The following ZDHHC14 variants were observed in gnomAD, a reference collection of about 807,000 sequenced individuals.
ZDHHC14 encodes palmitoyltransferase ZDHHC14.
Under a neutral mutation model 47.7 loss-of-function variants are expected in ZDHHC14, and 16 were observed. That is an observed-to-expected ratio of 0.34 (90% CI 0.23 to 0.51). The LOEUF is 0.51. Among genes scored for constraint, ZDHHC14 ranks in the 20% least tolerant of loss-of-function variants. The probability of loss-of-function intolerance (pLI) is 0.97; values close to 1 mark genes in which losing one functional copy is unlikely to be tolerated. For missense variants in ZDHHC14, 515 were observed against 662.5 expected, an observed-to-expected ratio of 0.78 and a Z score of 2.44; for synonymous variants, 293 against 278.9, an observed-to-expected ratio of 1.05 and a Z score of -0.50.
At position 157,586,750 on chromosome 6, in the gene ZDHHC14, A is replaced by G. The variant is rs1267431347; in HGVS notation, c.407-6238A>G. Among the ~76,000 whole-genome samples, 1 of 152,184 alleles carries G rather than the reference A, an allele frequency of 6.6e-6. No individual in the cohort carries two copies. The highest frequency in any genetic ancestry group is 1.5e-5 in the Non-Finnish European group (1 of 68,028). On this transcript the variant is annotated intron_variant, in intron 2 of 8. Transcript: ENST00000359775. The surrounding 1 kb of genome is among the most constrained non-coding windows in gnomAD (Gnocchi z 4.6). ...AATATTGGTTGACTTTTTTCATGGC[A>G]TCGCTGGGCCCTGAATCCAGGTCTT...
chr6:157,395,808 AAT>A (rs1423222897), intron 1 of ZDHHC14, among the ~76,000 whole-genome samples: 1 of 152,010 alleles, frequency 6.6e-6, no homozygotes, highest in African/African-American at 2.4e-5. Flanking sequence ...AAAAAAAAAA[AAT>A]CCCAAGTTTC....
intron 8 of ZDHHC14, among the ~76,000 whole-genome samples, chr6:157,670,217 G>T (rs757643538): frequency 1.3e-5 from 2 of 152,190 alleles, no homozygotes; most frequent in African/African-American, 2.4e-5. Context: ...GAGAAGCACC[G>T]CCGTGGCACA....
chr6:157,583,557 G>A lies in ZDHHC14; in HGVS notation c.407-9431G>A, dbSNP rs1361092275. On this transcript the variant is annotated intron_variant, in intron 2 of 8. Transcript: ENST00000359775. ...GCTTTTTTTGTTTTGTTTGTTTTTG[G>A]TGTTGAAGTTTTGGGCTTTGATACA... Among the ~76,000 whole-genome samples, 6 of 151,938 alleles carry A rather than the reference G, an allele frequency of 3.9e-5. No individual in the cohort carries two copies. In the South Asian group the frequency reaches 1.0e-3, roughly 26 times the overall value.
At chr6:157,472,766 T>TA (rs1212556004) in intron 1 of ZDHHC14, among the ~76,000 whole-genome samples, 1 of 152,140 alleles carries the variant, frequency 6.6e-6, no homozygotes, top group Admixed American at 6.5e-5. Flanking sequence ...CTGTGGTCCT[T>TA]ACATGTGGAT....
intron 1 of ZDHHC14, among the ~76,000 whole-genome samples, chr6:157,491,030 G>A (rs1045459626): frequency 4.6e-5 from 7 of 152,200 alleles, no homozygotes; most frequent in African/African-American, 9.6e-5. Flanking sequence ...AAATGTGCCC[G>A]GAGGGCCTGA....
At chr6:157,524,225 G>A (rs1439731670) in intron 1 of ZDHHC14, among the ~76,000 whole-genome samples, 1 of 151,908 alleles carries the variant, frequency 6.6e-6, no homozygotes, top group Non-Finnish European at 1.5e-5. Flanking sequence ...CACCTCCCAG[G>A]TTCAAGAATT....
chr6:157,636,236 A>ATG (rs1246793920), intron 5 of ZDHHC14, among the ~76,000 whole-genome samples: 1 of 151,470 alleles, frequency 6.6e-6, no homozygotes, highest in South Asian at 2.1e-4. Flanking sequence ...CTATCCTTAG[A>ATG]TGTGTGTGTA....
rs1783563307 is a variant in ZDHHC14 at position 157,582,858 on chromosome 6, G to A, written c.407-10130G>A. 6.6e-6 allele frequency among the ~76,000 whole-genome samples: 1 copy of A among 152,050 alleles called. No individual in the cohort carries two copies. Among genetic ancestry groups the A allele is most frequent in the African/African-American group, 2.4e-5 (1 of 41,390 alleles). On this transcript the variant is annotated intron_variant, in intron 2 of 8. Transcript: ENST00000359775. The surrounding 1 kb of genome is among the most constrained non-coding windows in gnomAD (Gnocchi z 4.3). ...CTTACTTTTTCCCTGTCTCTTTCAG[G>A]AACACCAATGAGTCGCTGATTTGGT...
intron 1 of ZDHHC14, among the ~76,000 whole-genome samples, chr6:157,421,961 G>A (rs539265258): frequency 6.6e-6 from 1 of 152,294 alleles, no homozygotes; most frequent in East Asian, 1.9e-4. Flanking sequence ...CATTCACTCA[G>A]CATGTATTGA....
At chr6:157,384,658 C>T (rs966929242) in intron 1 of ZDHHC14, among the ~76,000 whole-genome samples, 2 of 152,180 alleles carry the variant, frequency 1.3e-5, no homozygotes, top group Admixed American at 6.5e-5. Flanking sequence ...AGAGGCTATT[C>T]GAGCTACAGA....
intron 1 of ZDHHC14, among the ~76,000 whole-genome samples, chr6:157,530,834 T>C (rs1781335849): frequency 6.6e-6 from 1 of 152,220 alleles, no homozygotes; most frequent in African/African-American, 2.4e-5. Flanking sequence ...AACGACTGGA[T>C]ATTTCTAACC....
chr6:157,573,240 C>T (rs1783168397), intron 2 of ZDHHC14, among the ~76,000 whole-genome samples: 1 of 152,192 alleles, frequency 6.6e-6, no homozygotes, highest in African/African-American at 2.4e-5. Context: ...GACTCCTCTG[C>T]AAGTCAGAGC....
chr6:157,573,953 C>T (rs1267946902), intron 2 of ZDHHC14, among the ~76,000 whole-genome samples: 1 of 150,782 alleles, frequency 6.6e-6, no homozygotes, highest in Non-Finnish European at 1.5e-5. Context: ...TGTGAGAAAC[C>T]TCGGGGTCGG....
chr6:157,386,505 T>G (rs1777314908), intron 1 of ZDHHC14, among the ~76,000 whole-genome samples: 1 of 152,148 alleles, frequency 6.6e-6, no homozygotes, highest in Admixed American at 6.5e-5. Context: ...TTCATTTTTG[T>G]TTTTGAAGCC....
chr6:157,584,049 G>A (rs1783604598), intron 2 of ZDHHC14, among the ~76,000 whole-genome samples: 1 of 152,218 alleles, frequency 6.6e-6, no homozygotes, highest in South Asian at 2.1e-4. Flanking sequence ...CTGGCAGTAT[G>A]GTTGAAGCAC....
At chr6:157,504,327 ATT>A (rs35053189) in intron 1 of ZDHHC14, among the ~76,000 whole-genome samples, 106 of 137,236 alleles carry the variant, frequency 7.7e-4, no homozygotes, top group Non-Finnish European at 7.5e-4. Flanking sequence ...AATTTTTTGT[ATT>A]TTTTTTTTTT....
intron 7 of ZDHHC14, among the ~76,000 whole-genome samples, chr6:157,650,402 A>G (rs1039913271): frequency 5.3e-5 from 8 of 152,042 alleles, no homozygotes; most frequent in Non-Finnish European, 8.8e-5. Context: ...AGGTGAGACA[A>G]GACAAGGGGC....
At chr6:157,587,238 A>G (rs953525747) in intron 2 of ZDHHC14, among the ~76,000 whole-genome samples, 1 of 152,216 alleles carries the variant, frequency 6.6e-6, no homozygotes, top group Non-Finnish European at 1.5e-5. Context: ...GATTATTATT[A>G]ATCTAGGCCT....
chr6:157,598,316 T>C (rs1278538878), intron 3 of ZDHHC14, among the ~76,000 whole-genome samples: 1 of 152,130 alleles, frequency 6.6e-6, no homozygotes, highest in Admixed American at 6.6e-5. Context: ...AGCAGGTCAT[T>C]GGAGGGGAGT....
Sources: gnomAD v4.1 joint callset for allele counts (sites outside exome capture counted in the v4.1 genomes callset) on GRCh38, gnomAD v4.1.1 for gene constraint, Gnocchi (gnomAD v3.1) non-coding constraint, MANE v1.5 for transcripts, NCBI Gene and HGNC (gene_info 2026-07-23, HGNC 2026-07-21) for gene names.